Variants in CELF2 observed in about 807,000 individuals in gnomAD.
CELF2 encodes CUGBP Elav-like family member 2, also known as CUG triplet repeat RNA-binding protein 2.
In CELF2, 8 loss-of-function variants were observed where a neutral mutation model predicts 62.6. That is an observed-to-expected ratio of 0.13 (90% CI 0.07 to 0.23). CELF2 has a LOEUF of 0.23. CELF2 is among the 10% of genes least tolerant of loss of function. The probability of loss-of-function intolerance (pLI) is 1.00; values close to 1 mark genes in which losing one functional copy is unlikely to be tolerated. For synonymous variants in CELF2, 258 were observed against 250.0 expected, an observed-to-expected ratio of 1.03 and a Z score of -0.30; for missense variants, 333 against 671.0, an observed-to-expected ratio of 0.50 and a Z score of 5.56.
chr10:10,780,609 T>C, the CELF2 span, among the ~76,000 whole-genome samples: 1 of 152,142 alleles, frequency 6.6e-6, no homozygotes, highest in East Asian at 1.9e-4. Flanking sequence ...GCCTCCCAAG[T>C]AGCTGGGATT....
In CELF2 at chr10:10,938,319, C is replaced by T. The variant is rs1465945400; in HGVS notation, c.89+18320C>T. ...AGATTTAACAAAGGGCTGAACAGAG[C>T]AGCCAGTCCAAAGACCCAAATACCA... On this transcript the variant is annotated intron_variant, in intron 2 of 13. Transcript: ENST00000636488. This position sits in a 1 kb window ranked among gnomAD's most constrained non-coding sequence, Gnocchi z 4.2. Among the ~76,000 whole-genome samples the T allele has an allele frequency of 9.2e-5, 14 of 152,204 alleles. No individual in the cohort carries two copies. The highest frequency in any genetic ancestry group is 2.1e-4 in the Non-Finnish European group (14 of 68,046).
the CELF2 span, among the ~76,000 whole-genome samples, chr10:10,465,490 T>C: frequency 1.3e-5 from 2 of 152,158 alleles, no homozygotes; most frequent in African/African-American, 4.8e-5. Context: ...TAGCCACACA[T>C]GTTTTCTATT....
intron 3 of CELF2, among the ~76,000 whole-genome samples, chr10:11,228,718 C>CAAAAAAA (rs56167230): frequency 1.5e-4 from 20 of 135,162 alleles, no homozygotes; most frequent in African/African-American, 5.2e-4. Flanking sequence ...GCGCCCCTCG[C>CAAAAAAA]AAAAAAAAAA....
chr10:11,124,336 A>G (rs1388931785), intron 1 of CELF2, among the ~76,000 whole-genome samples: 1 of 152,182 alleles, frequency 6.6e-6, no homozygotes, highest in Non-Finnish European at 1.5e-5. Context: ...CTTCCTATGA[A>G]ATGAGATGGG....
the CELF2 span, among the ~76,000 whole-genome samples, chr10:10,627,837 A>C: frequency 2.0e-5 from 3 of 152,216 alleles, no homozygotes; most frequent in Non-Finnish European, 2.9e-5. Context: ...ATGGGAGGAG[A>C]AACATGCACA....
At chr10:10,864,049 T>G (rs1445989491) in intron 1 of CELF2, among the ~76,000 whole-genome samples, 1 of 152,232 alleles carries the variant, frequency 6.6e-6, no homozygotes, top group African/African-American at 2.4e-5. Context: ...AAATTTATTG[T>G]GCCTCAGTTT....
intron 2 of CELF2, among the ~76,000 whole-genome samples, chr10:10,974,267 C>T (rs1260724815): frequency 6.6e-6 from 1 of 152,108 alleles, no homozygotes; most frequent in Non-Finnish European, 1.5e-5. Context: ...AGGCCCATTC[C>T]TTCACTAGTA....
the CELF2 span, among the ~76,000 whole-genome samples, chr10:10,746,311 T>A: frequency 1.7e-4 from 26 of 151,578 alleles, no homozygotes; most frequent in Admixed American, 9.2e-4. Flanking sequence ...AGTCAGATAT[T>A]TAATATTCAA....
chr10:11,197,187 G>A (rs111697416), intron 2 of CELF2, among the ~76,000 whole-genome samples: 9 of 151,982 alleles, frequency 5.9e-5, no homozygotes, highest in South Asian at 2.1e-4. Flanking sequence ...CATTTTACAC[G>A]GAAAAGAAAT....
chr10:11,097,113 A>G (rs137989708), intron 1 of CELF2, among the ~76,000 whole-genome samples: 203 of 152,300 alleles, frequency 1.3e-3, no homozygotes, highest in African/African-American at 4.7e-3. Flanking sequence ...TCCCTGGGCA[A>G]TTTCCAAATC....
chr10:10,751,457 A>C, the CELF2 span, among the ~76,000 whole-genome samples: 571 of 152,328 alleles, frequency 3.7e-3, 1 homozygote, highest in Admixed American at 8.0e-3. Flanking sequence ...ATAACTCCTT[A>C]AGGGGCAAAA....
the CELF2 span, among the ~76,000 whole-genome samples, chr10:10,653,702 G>T: frequency 7.3e-6 from 1 of 137,842 alleles, no homozygotes; most frequent in Non-Finnish European, 1.6e-5. Context: ...AGAATCTCTG[G>T]GATGCATTCA....
At chr10:11,126,839 C>T (rs751657271) in intron 1 of CELF2, among the ~76,000 whole-genome samples, 2 of 151,624 alleles carry the variant, frequency 1.3e-5, no homozygotes, top group Non-Finnish European at 2.9e-5. Context: ...TATAGTTGCT[C>T]TTCAGCCATC....
the CELF2 span, among the ~76,000 whole-genome samples, chr10:10,539,195 T>A: frequency 1.3e-5 from 2 of 152,258 alleles, no homozygotes; most frequent in East Asian, 3.9e-4. Context: ...GGTTTTGTCA[T>A]CTGAGACTTA....
At chr10:10,600,159 G>A in the CELF2 span, among the ~76,000 whole-genome samples, 3 of 152,252 alleles carry the variant, frequency 2.0e-5, no homozygotes, top group African/African-American at 7.2e-5. Flanking sequence ...TCAGGAAAGT[G>A]CAGAGAAATT....
rs745323439 is a variant in CELF2 at position 11,035,983 on chromosome 10, G to A, written c.74+17820G>A. On this transcript the variant is annotated intron_variant, in intron 1 of 12. Transcript: ENST00000633077. Reference sequence around the variant, plus strand: ...ATGTTTGTGATCTCCATCCCTGGTAGTAATGTTGACACTGTATATATCAAG... The same window carrying A: ...ATGTTTGTGATCTCCATCCCTGGTAATAATGTTGACACTGTATATATCAAG... 2.6e-5 allele frequency among the ~76,000 whole-genome samples: 4 copies of A among 152,238 alleles called. No individual in the cohort carries two copies. In the South Asian group the frequency reaches 6.2e-4, roughly 24 times the overall value.
chr10:10,562,969 A>G, the CELF2 span, among the ~76,000 whole-genome samples: 1 of 152,038 alleles, frequency 6.6e-6, no homozygotes, highest in African/African-American at 2.4e-5. Flanking sequence ...GGGACAGAAT[A>G]CGAAGACCTG....
the CELF2 span, among the ~76,000 whole-genome samples, chr10:10,504,521 G>A: frequency 6.6e-6 from 1 of 152,070 alleles, no homozygotes; most frequent in African/African-American, 2.4e-5. Flanking sequence ...GCTTGATTAT[G>A]TGCCTTGGCA....
the CELF2 span, among the ~76,000 whole-genome samples, chr10:10,754,220 C>T: frequency 6.6e-6 from 1 of 151,838 alleles, no homozygotes; most frequent in Non-Finnish European, 1.5e-5. Flanking sequence ...TCACAGCTCA[C>T]TGCAGCCTCC....
Sources: gnomAD v4.1 joint callset for allele counts (sites outside exome capture counted in the v4.1 genomes callset) on GRCh38, gnomAD v4.1.1 for gene constraint, Gnocchi (gnomAD v3.1) non-coding constraint, MANE v1.5 for transcripts, NCBI Gene and HGNC (gene_info 2026-07-23, HGNC 2026-07-21) for gene names.